The following DET1 variants were observed in gnomAD, a reference collection of about 807,000 sequenced individuals.
The protein encoded by DET1 is DET1 partner of COP1 E3 ubiquitin ligase, also known as DET1 homolog.
Under a neutral mutation model 43.7 loss-of-function variants are expected in DET1, and 22 were observed. The observed-to-expected ratio is 0.50, with a 90% CI of 0.36 to 0.72. DET1 has a LOEUF of 0.72. Ranked by LOEUF, DET1 falls within the 30% of genes least tolerant of loss-of-function variation. The probability of loss-of-function intolerance (pLI) is 0.00; values close to 1 mark genes in which losing one functional copy is unlikely to be tolerated. For missense variants in DET1, 713 were observed against 713.3 expected (o/e 1.00, Z 0.00); for synonymous variants, 315 against 266.2 (o/e 1.18, Z -1.79).
intron 1 of DET1, among the ~76,000 whole-genome samples, chr15:88,540,180 C>T (rs1335297515): frequency 6.6e-6 from 1 of 152,016 alleles, no homozygotes; most frequent in Non-Finnish European, 1.5e-5. Flanking sequence ...AAGCTATTTG[C>T]CTTTGAGTCA....
At chr15:88,517,922 C>T (rs1444995731) in intron 3 of DET1, among the ~76,000 whole-genome samples, 2 of 152,126 alleles carry the variant, frequency 1.3e-5, no homozygotes, top group Non-Finnish European at 2.9e-5. Flanking sequence ...ATCACTGTCA[C>T]AAATGCTAAA....
intron 8 of DET1, chr15:88,502,489 G>A (rs1337182549): frequency 6.6e-6 from 1 of 152,224 alleles, no homozygotes; most frequent in Admixed American, 6.5e-5. Flanking sequence ...CCAGGAAGCA[G>A]AACAGGCTGG....
downstream of DET1, among the ~76,000 whole-genome samples, chr15:88,509,686 G>C (rs1429443653): frequency 1.3e-5 from 2 of 152,232 alleles, no homozygotes; most frequent in Non-Finnish European, 2.9e-5. Context: ...GCAAAGGCTA[G>C]TGGTCCACCA....
At chr15:88,525,391 A>G (rs1026364547) in intron 3 of DET1, among the ~76,000 whole-genome samples, 1 of 152,212 alleles carries the variant, frequency 6.6e-6, no homozygotes, top group African/African-American at 2.4e-5. Context: ...GGAATATACA[A>G]CCTTTCTCCT....
chr15:88,533,852 T>TAAAAAAAAAAAAAAAAAAAAAAAAAAAAA (rs368408722), intron 1 of DET1, among the ~76,000 whole-genome samples: 2 of 39,218 alleles, frequency 5.1e-5, no homozygotes, highest in African/African-American at 1.4e-4. Context: ...ACCCAATCTC[T>TAAAAAAAAAAAAAAAAAAAAAAAAAAAAA]AAAAAAAAAA....
downstream of DET1, chr15:88,512,373 C>T: frequency 1.0e-6 from 1 of 985,364 alleles, no homozygotes; most frequent in Non-Finnish European, 1.2e-6. Context: ...CCAGGAACAG[C>T]TGCTGCATCC....
intron 3 of DET1, among the ~76,000 whole-genome samples, chr15:88,522,512 G>GTTTTTTTTTTTTGTTT (rs2056520877): frequency 1.2e-5 from 1 of 80,258 alleles, no homozygotes; most frequent in Non-Finnish European, 2.3e-5. Flanking sequence ...AATGTTCCTG[G>GTTTTTTTTTTTTGTTT]TTTTTTTTTT....
In DET1 at chr15:88,531,633, G is replaced by A. The variant is rs534055960; in HGVS notation, c.73C>T (p.Arg25Trp). The A allele has an allele frequency of 5.0e-5, 80 of 1,613,842 alleles. No homozygotes were observed. The highest frequency in any genetic ancestry group is 8.0e-5 in the African/African-American group (6 of 74,930). Residue 25 changes from arginine to tryptophan, a missense_variant, in exon 2 of 5, where the codon CGG becomes TGG. Arg to Trp is a moderately radical substitution (Grantham distance 101, BLOSUM62 -3). Transcript: ENST00000268148. The surrounding 1 kb of genome is among the most constrained non-coding windows in gnomAD (Gnocchi z 6.2). ...CCTGCCTTGCCTGAACTGATCCGCC[G>A]GCGTTCCAAGCGGTGAATGACATTT... ...NQNVIHRLER[R>W]RISSGKAGTH...
chr15:88,512,347 T>A, downstream of DET1: 1 of 985,340 alleles, frequency 1.0e-6, no homozygotes, highest in Non-Finnish European at 1.2e-6. Context: ...CTGTTGGCAC[T>A]TACCACTTAG....
intron 3 of DET1, among the ~76,000 whole-genome samples, chr15:88,521,772 T>G (rs1252217346): frequency 6.6e-6 from 1 of 152,140 alleles, no homozygotes; most frequent in East Asian, 1.9e-4. Context: ...TGATGACTTA[T>G]TGTTTTTACA....
chr15:88,531,031 G>A lies in DET1; in HGVS notation c.675C>T (p.Tyr225=). 1.2e-6 allele frequency: 2 copies of A among 1,613,526 alleles called. No individual in the cohort carries two copies. Among genetic ancestry groups the A allele is most frequent in the Non-Finnish European group, 1.7e-6 (2 of 1,179,662 alleles). Residue 225 remains tyrosine (Y), a synonymous_variant, in exon 2 of 5, where the codon TAC becomes TAT. Coordinates refer to ENST00000268148, the MANE Select transcript of DET1 (RefSeq NM_001144074.3). This position sits in a 1 kb window ranked among gnomAD's most constrained non-coding sequence, Gnocchi z 6.2. The stretch of plus-strand genomic sequence containing the variant: ...CAGACAAGATGGCCAGGATGTTTTT[G>A]TACAAGTACAGCCCTTGGTTGTGTG... The part of the protein sequence containing the change: ...VLSHNQGLYL[Y]KNILAILSVQ...
chr15:88,512,216 G>T, downstream of DET1: 1 of 338,988 alleles, frequency 2.9e-6, no homozygotes, highest in Non-Finnish European at 4.2e-6. Flanking sequence ...TGACACAGAT[G>T]GTACAGATGG....
At chr15:88,536,805 A>G (rs1011265433) in intron 1 of DET1, among the ~76,000 whole-genome samples, 1 of 151,642 alleles carries the variant, frequency 6.6e-6, no homozygotes, top group Non-Finnish European at 1.5e-5. Flanking sequence ...AAACTAGATA[A>G]AAAGGTACCT....
At chr15:88,535,029 TA>T (rs1238685661) in intron 1 of DET1, among the ~76,000 whole-genome samples, 2 of 152,168 alleles carry the variant, frequency 1.3e-5, no homozygotes, top group African/African-American at 4.8e-5. Flanking sequence ...GTACCTATTA[TA>T]AAAATGTTCC....
chr15:88,510,755 T>C (rs2056189363), downstream of DET1, among the ~76,000 whole-genome samples: 1 of 150,390 alleles, frequency 6.6e-6, no homozygotes, highest in African/African-American at 2.4e-5. Context: ...GTTGTTGTTG[T>C]TTTGTTTTTT....
downstream of DET1, among the ~76,000 whole-genome samples, chr15:88,510,754 GTTTTGTTTTTTT>G (rs958693361): frequency 8.9e-5 from 13 of 146,170 alleles, no homozygotes; most frequent in South Asian, 2.2e-4. Flanking sequence ...GGTTGTTGTT[GTTTTGTTTTTTT>G]TTTTGTTTTT....
intron 1 of DET1, among the ~76,000 whole-genome samples, chr15:88,532,097 T>C (rs2056830863): frequency 6.6e-6 from 1 of 152,128 alleles, no homozygotes; most frequent in African/African-American, 2.4e-5. Flanking sequence ...AGCTCACTAG[T>C]TCAAGCCCAG....
At chr15:88,541,373 C>T (rs980055265) in intron 1 of DET1, among the ~76,000 whole-genome samples, 39 of 151,534 alleles carry the variant, frequency 2.6e-4, no homozygotes, top group South Asian at 2.1e-3. Context: ...CAGAGGCTGG[C>T]GGGATCCTCC....
At chr15:88,533,869 A>AAAAAG (rs1174848118) in intron 1 of DET1, among the ~76,000 whole-genome samples, 2 of 147,230 alleles carry the variant, frequency 1.4e-5, no homozygotes, top group Non-Finnish European at 3.0e-5. Flanking sequence ...AAAAAAAAAA[A>AAAAAG]AAAAAAATTA....
Sources: allele counts gnomAD v4.1 joint callset (sites outside exome capture counted in the v4.1 genomes callset), GRCh38; gene constraint gnomAD v4.1.1; non-coding constraint Gnocchi (gnomAD v3.1); transcripts MANE v1.5; gene names NCBI Gene and HGNC (gene_info 2026-07-23, HGNC 2026-07-21).